Variants in TCF12 observed in about 807,000 individuals in gnomAD.
The protein encoded by TCF12 is DNA-binding protein HTF4.
Under a neutral mutation model 86.0 loss-of-function variants are expected in TCF12, and 45 were observed. The observed-to-expected ratio is 0.52, with a 90% CI of 0.41 to 0.67. The LOEUF (loss-of-function observed/expected upper bound fraction) is 0.67, where lower values mean the gene tolerates loss of function less well. TCF12 is among the 30% of genes least tolerant of loss of function. The pLI is 0.00. For synonymous variants in TCF12, 330 were observed against 299.6 expected, an observed-to-expected ratio of 1.10 and a Z score of -1.05; for missense variants, 881 against 859.9, an observed-to-expected ratio of 1.02 and a Z score of -0.31.
At chr15:57,030,769 T>G (rs1314568322) in intron 3 of TCF12, among the ~76,000 whole-genome samples, 1 of 152,238 alleles carries the variant, frequency 6.6e-6, no homozygotes, top group Non-Finnish European at 1.5e-5. Context: ...TAATTGCATA[T>G]TCATATATAA....
chr15:57,138,859 GT>G (rs36080056), intron 5 of TCF12, among the ~76,000 whole-genome samples: 6,104 of 152,214 alleles, frequency 0.04, 367 homozygotes, highest in Admixed American at 0.17. Flanking sequence ...GAGTTTTGCT[GT>G]TACTAAATGA....
intron 3 of TCF12, among the ~76,000 whole-genome samples, chr15:56,997,839 A>G (rs2063795492): frequency 6.6e-6 from 1 of 152,228 alleles, no homozygotes; most frequent in Non-Finnish European, 1.5e-5. Flanking sequence ...TAAATATGGT[A>G]TAGGTGGGTT....
At chr15:57,110,518 A>T (rs1334946356) in intron 5 of TCF12, among the ~76,000 whole-genome samples, 6 of 152,216 alleles carry the variant, frequency 3.9e-5, no homozygotes, top group African/African-American at 1.2e-4. Flanking sequence ...GGTGCTCATT[A>T]ATTATTTTCT....
At chr15:56,924,349 A>T (rs1817385249) in intron 3 of TCF12, among the ~76,000 whole-genome samples, 2 of 152,238 alleles carry the variant, frequency 1.3e-5, no homozygotes, top group African/African-American at 4.8e-5. Flanking sequence ...GTAATTAAAA[A>T]AATGGTAAGA....
At chr15:56,974,200 C>A (rs1404712937) in intron 3 of TCF12, among the ~76,000 whole-genome samples, 3 of 152,070 alleles carry the variant, frequency 2.0e-5, no homozygotes, top group South Asian at 2.1e-4. Flanking sequence ...AGAAAATATT[C>A]TTTTTAGGAA....
At chr15:57,043,700 A>T (rs901722435) in intron 3 of TCF12, among the ~76,000 whole-genome samples, 4 of 152,206 alleles carry the variant, frequency 2.6e-5, no homozygotes, top group Non-Finnish European at 4.4e-5. Context: ...AATTTCTGGA[A>T]GTCTTTGTGA....
chr15:57,075,780 TTCTTTCTTTCTTTCTTTCTTTCTTTC>T (rs1490781946), intron 4 of TCF12, among the ~76,000 whole-genome samples: 3 of 47,324 alleles, frequency 6.3e-5, no homozygotes, highest in African/African-American at 2.5e-4. Context: ...CTTTCTTTCT[TTCTTTCTTTCTTTCTTTCTTTCTTTC>T]TCTCTCTCTC....
intron 5 of TCF12, among the ~76,000 whole-genome samples, chr15:57,114,264 C>T (rs2050691720): frequency 6.6e-6 from 1 of 152,026 alleles, no homozygotes; most frequent in African/African-American, 2.4e-5. Flanking sequence ...TACTTTCAGC[C>T]AGTAGAAGAA....
intron 3 of TCF12, among the ~76,000 whole-genome samples, chr15:56,926,548 T>C (rs1235686316): frequency 6.6e-6 from 1 of 152,168 alleles, no homozygotes; most frequent in Non-Finnish European, 1.5e-5. Context: ...AGAGAAGAAC[T>C]GGTCTTACAG....
chr15:57,061,778 CT>C (rs1217718105), intron 3 of TCF12, among the ~76,000 whole-genome samples: 1 of 152,066 alleles, frequency 6.6e-6, no homozygotes, highest in African/African-American at 2.4e-5. Context: ...TAAAATACAA[CT>C]TTTCATAAAA....
At chr15:57,037,678 C>T (rs1195626292) in intron 3 of TCF12, among the ~76,000 whole-genome samples, 4 of 152,116 alleles carry the variant, frequency 2.6e-5, no homozygotes, top group African/African-American at 9.7e-5. Context: ...GTAACAAGTA[C>T]CCTTGCTTTT....
At chr15:57,010,751 C>T (rs968660214) in intron 3 of TCF12, among the ~76,000 whole-genome samples, 1 of 152,032 alleles carries the variant, frequency 6.6e-6, no homozygotes, top group African/African-American at 2.4e-5. Flanking sequence ...ACTGATGTGG[C>T]CAGTCTAGTT....
intron 8 of TCF12, among the ~76,000 whole-genome samples, chr15:57,217,610 A>G (rs1005513503): frequency 6.6e-6 from 1 of 152,268 alleles, no homozygotes; most frequent in Non-Finnish European, 1.5e-5. Context: ...AAAATGTTGA[A>G]GTATTGTCAG....
chr15:57,000,690 C>G (rs2063973817), intron 3 of TCF12, among the ~76,000 whole-genome samples: 1 of 152,014 alleles, frequency 6.6e-6, no homozygotes, highest in African/African-American at 2.4e-5. Flanking sequence ...ACTGGTTCTT[C>G]AAAAACATAA....
At chr15:57,270,043 GC>G in intron 18 of TCF12, among the ~76,000 whole-genome samples, 1 of 152,158 alleles carries the variant, frequency 6.6e-6, no homozygotes, top group Non-Finnish European at 1.5e-5. Context: ...TCTTGGAGTT[GC>G]TCATCTTGAG....
At chr15:57,170,668 TATATATA>T (rs1431250868) in intron 6 of TCF12, among the ~76,000 whole-genome samples, 87 of 15,136 alleles carry the variant, frequency 5.7e-3, no homozygotes, top group South Asian at 0.014. Flanking sequence ...AAAATATATA[TATATATA>T]ATATATTATA....
intron 5 of TCF12, among the ~76,000 whole-genome samples, chr15:57,154,224 A>G (rs2053963178): frequency 6.6e-6 from 1 of 152,146 alleles, no homozygotes. Flanking sequence ...AATTTTAAGA[A>G]TAGGGTCTTC....
chr15:57,274,811 G>A (rs1402122334), intron 19 of TCF12, among the ~76,000 whole-genome samples: 7 of 152,160 alleles, frequency 4.6e-5, no homozygotes. Context: ...CTAGTACACA[G>A]CACCTTTTCC....
At chr15:57,112,462 G>A (rs1458534704) in intron 5 of TCF12, among the ~76,000 whole-genome samples, 1 of 152,166 alleles carries the variant, frequency 6.6e-6, no homozygotes, top group Non-Finnish European at 1.5e-5. Context: ...GCCTGGCCCA[G>A]CTGCAACTTG....
Sources: allele counts gnomAD v4.1 joint callset (sites outside exome capture counted in the v4.1 genomes callset), GRCh38; gene constraint gnomAD v4.1.1; transcripts MANE v1.5; gene names NCBI Gene and HGNC (gene_info 2026-07-23, HGNC 2026-07-21).